The following ARPC4 variants were observed in gnomAD, a reference collection of about 807,000 sequenced individuals.
ARPC4 encodes actin-related protein 2/3 complex subunit 4.
Under a neutral mutation model 22.8 loss-of-function variants are expected in ARPC4, and 3 were observed. That is an observed-to-expected ratio of 0.13 (90% CI 0.06 to 0.34). The LOEUF (loss-of-function observed/expected upper bound fraction) is 0.34, where lower values mean the gene tolerates loss of function less well. ARPC4 is among the 10% of genes least tolerant of loss of function. The pLI is 1.00. For missense variants in ARPC4, 98 were observed against 211.0 expected (o/e 0.46, Z 3.32); for synonymous variants, 80 against 72.5 (o/e 1.10, Z -0.52).
rs2079059185 is a variant in ARPC4 at position 9,803,739 on chromosome 3, G to GGGAA, written c.331-102_331-99dup. On this transcript the variant is annotated intron_variant, in intron 4 of 5. Coordinates refer to ENST00000397261, the MANE Select transcript of ARPC4 (RefSeq NM_005718.5). ...AGCTTGGGAGAAGATCACAGCCAGT[G>GGGAA]GGAAGCATGTGGATGAGTGGAGGAC... The GGGAA allele has an allele frequency of 4.0e-6, 5 of 1,253,700 alleles. No individual in the cohort carries two copies. In the Admixed American group the frequency reaches 8.8e-5, roughly 22 times the overall value. The allele number at this position is 1,253,700 out of a possible 1,614,324, so 77.7% of individuals were successfully genotyped here.
chr3:9,806,088 C>T (rs2079101413), intron 5 of ARPC4, 122 bp from the exon 6 acceptor site: 3 of 1,166,572 alleles, frequency 2.6e-6, no homozygotes, highest in Admixed American at 1.7e-5. Flanking sequence ...GTCCTGGGAC[C>T]CAACTCTGCC....
chr3:9,801,862 T>A, intron 4 of ARPC4, 106 bp downstream of exon 4: 2 of 1,143,562 alleles, frequency 1.7e-6, no homozygotes, highest in Non-Finnish European at 2.4e-6. Flanking sequence ...ACCCACTGCC[T>A]GAATTGAGAG....
rs1452794190 is a variant in ARPC4, at chr3:9,801,646, T to A, written c.235-15T>A. The A allele has an allele frequency of 1.9e-6, 3 of 1,595,804 alleles. No individual in the cohort carries two copies. The highest frequency in any genetic ancestry group is 1.7e-5 in the Admixed American group (1 of 58,452). On this transcript the variant is annotated splice_polypyrimidine_tract_variant and intron_variant, in intron 3 of 5. Coordinates refer to ENST00000397261, the MANE Select transcript of ARPC4 (RefSeq NM_005718.5). The stretch of plus-strand genomic sequence containing the variant: ...TGTCAGCTTTAGAGAAACATTTCTC[T>A]CTTGCACTCCCCAGGCTGATGAGAT...
In ARPC4 at chr3:9,801,406, G is replaced by T. The variant is rs191273225; in HGVS notation, c.235-255G>T. 1.1e-4 allele frequency among the ~76,000 whole-genome samples: 17 copies of T among 152,108 alleles called. No homozygotes were observed. The East Asian group carries it at 2.1e-3, about 19-fold the overall frequency. On this transcript the variant is annotated intron_variant, in intron 3 of 5. Coordinates refer to ENST00000397261, the MANE Select transcript of ARPC4 (RefSeq NM_005718.5). Reference sequence around the variant, plus strand: ...AATGGAAAGGGCAGCTTGGAGTACAGCTGTAGACTCTGAAAGAAGCAATAG... The same window carrying T: ...AATGGAAAGGGCAGCTTGGAGTACATCTGTAGACTCTGAAAGAAGCAATAG...
chr3:9,802,023 G>T (rs1175902950), intron 4 of ARPC4, among the ~76,000 whole-genome samples: 4 of 152,038 alleles, frequency 2.6e-5, no homozygotes, highest in Non-Finnish European at 5.9e-5. Context: ...GGTGGATCAT[G>T]AGGTCAGGAG....
chr3:9,803,611 G>T (rs1054287193), intron 4 of ARPC4: 24 of 677,426 alleles, frequency 3.5e-5, no homozygotes, highest in Admixed American at 2.0e-4. Context: ...TAGTTTTCCA[G>T]AGATGTCTGA....
intron 1 of ARPC4, among the ~76,000 whole-genome samples, chr3:9,796,709 A>G (rs1220731114): frequency 6.6e-6 from 1 of 152,196 alleles, no homozygotes; most frequent in African/African-American, 2.4e-5. Flanking sequence ...TGGGAGGCCA[A>G]GGCGGGCAGA....
Position 9,799,868 on chromosome 3 carries a change from ATC to A in ARPC4, c.123-310_123-309del, listed in dbSNP as rs534503113. On this transcript the variant is annotated intron_variant, in intron 2 of 5. Coordinates refer to ENST00000397261, the MANE Select transcript of ARPC4 (RefSeq NM_005718.5). ...GCTATTAGACATTTGACCCTTTTTG[ATC>A]TCTCTCAGTCCTCGCCAGTGAATTA... is the stretch of plus-strand genomic sequence containing the variant. 857 of 506,784 alleles carry A rather than the reference ATC, an allele frequency of 1.7e-3. 13 individuals carry two copies. The highest frequency in any genetic ancestry group is 0.01 in the South Asian group (665 of 65,002). The allele number at this position is 506,784 out of a possible 1,614,324, so 31.4% of individuals were successfully genotyped here.
chr3:9,801,601 A>G (rs1331091718), intron 3 of ARPC4, 60 bp from the exon 4 acceptor site: 2 of 1,513,906 alleles, frequency 1.3e-6, no homozygotes, highest in African/African-American at 2.8e-5. Context: ...ACCAGGCTAC[A>G]AGGTGTTTTT....
chr3:9,797,387 T>A (rs896786032), intron 1 of ARPC4, among the ~76,000 whole-genome samples: 1 of 152,228 alleles, frequency 6.6e-6, no homozygotes, highest in Non-Finnish European at 1.5e-5. Context: ...TGTCTCAGCA[T>A]TCCTCTGGTC....
upstream of ARPC4, chr3:9,792,990 C>G: frequency 6.8e-7 from 1 of 1,468,188 alleles, no homozygotes; most frequent in Non-Finnish European, 9.0e-7. Flanking sequence ...GGGCTCTCTA[C>G]CCCGCTCGGA....
chr3:9,794,384 A>G (rs1281424375), intron 1 of ARPC4, among the ~76,000 whole-genome samples: 1 of 152,182 alleles, frequency 6.6e-6, no homozygotes, highest in African/African-American at 2.4e-5. Flanking sequence ...CTGTAGTCCC[A>G]GCTACTCAGG....
intron 3 of ARPC4, 56 bp downstream of exon 3, chr3:9,800,352 C>CT: frequency 6.4e-7 from 1 of 1,568,892 alleles, no homozygotes; most frequent in East Asian, 2.2e-5. Flanking sequence ...CTTTCAGCCT[C>CT]TTTCAGTCCG....
chr3:9,794,128 C>T (rs1380709194), intron 1 of ARPC4, among the ~76,000 whole-genome samples: 1 of 152,068 alleles, frequency 6.6e-6, no homozygotes, highest in African/African-American at 2.4e-5. Context: ...TGAGGTATTA[C>T]ATGAGACTAC....
chr3:9,797,898 C>G lies in ARPC4; in HGVS notation c.122+121C>G, dbSNP rs2078928945. On this transcript the variant is annotated intron_variant, in intron 2 of 5. Coordinates refer to ENST00000397261, the MANE Select transcript of ARPC4 (RefSeq NM_005718.5). Reference sequence around the variant, plus strand: ...AGGAAAGCTGCAGTTGACATTTTGTCTTGCTGCCAGCTGAATGGTGATTCC... The same window carrying G: ...AGGAAAGCTGCAGTTGACATTTTGTGTTGCTGCCAGCTGAATGGTGATTCC... 4.7e-6 allele frequency: 5 copies of G among 1,064,034 alleles called. No homozygotes were observed. The South Asian group carries it at 8.1e-5, about 17-fold the overall frequency. The allele number at this position is 1,064,034 out of a possible 1,614,324, so 65.9% of individuals were successfully genotyped here.
upstream of ARPC4, chr3:9,792,640 G>T: frequency 8.1e-7 from 1 of 1,231,168 alleles, no homozygotes; most frequent in South Asian, 4.0e-5. Flanking sequence ...CCCGGGGCGG[G>T]AGGCGGAGCT....
At chr3:9,795,876 ACTT>A (rs2078871866) in intron 1 of ARPC4, among the ~76,000 whole-genome samples, 2 of 152,140 alleles carry the variant, frequency 1.3e-5, no homozygotes, top group East Asian at 1.9e-4. Flanking sequence ...TGGGCGGGTC[ACTT>A]GAGGTCAGGA....
chr3:9,793,215 C>T (rs111445792), intron 1 of ARPC4, 91 bp downstream of exon 1: 8 of 1,450,730 alleles, frequency 5.5e-6, no homozygotes, highest in Non-Finnish European at 7.3e-6. Context: ...CGCAGGGGCG[C>T]GGGGCCGAGG....
Position 9,793,141 on chromosome 3 carries a change from C to G in ARPC4, c.3+17C>G, listed in dbSNP as rs575778196. 3 of 1,541,144 alleles carry G rather than the reference C, an allele frequency of 1.9e-6. No individual in the cohort carries two copies. The highest frequency in any genetic ancestry group is 4.9e-5 in the East Asian group (2 of 40,530). ...CCCGCGATGGTGAGAGAGCCGGGCCCCCGGCCAGGGACCCCCGGCTGTTCG... is the reference window on the plus strand; with the variant it reads ...CCCGCGATGGTGAGAGAGCCGGGCCGCCGGCCAGGGACCCCCGGCTGTTCG... On this transcript the variant is annotated intron_variant, in intron 1 of 5. Transcript: ENST00000397261.
Sources: allele counts gnomAD v4.1 joint callset (sites outside exome capture counted in the v4.1 genomes callset), GRCh38; gene constraint gnomAD v4.1.1; transcripts MANE v1.5; gene names NCBI Gene and HGNC (gene_info 2026-07-23, HGNC 2026-07-21).